The following HAUS6 variants were observed in gnomAD, a reference collection of about 807,000 sequenced individuals.
HAUS6 encodes HAUS augmin-like complex subunit 6.
HAUS6 carries 80 observed loss-of-function variants against 106.8 expected under a neutral mutation model. The observed-to-expected ratio is 0.75, with a 90% CI of 0.63 to 0.90. The LOEUF is 0.90. HAUS6 is among the 40% of genes least tolerant of loss of function. The pLI, the probability that HAUS6 is intolerant of heterozygous loss-of-function variation, is 0.00. For missense variants in HAUS6, 1,155 were observed against 1,118.1 expected (o/e 1.03, Z -0.47); for synonymous variants, 356 against 379.1 (o/e 0.94, Z 0.71).
At chr9:19,075,977 A>C (rs1233177444) in intron 11 of HAUS6, among the ~76,000 whole-genome samples, 3 of 151,628 alleles carry the variant, frequency 2.0e-5, no homozygotes, top group Non-Finnish European at 4.4e-5. Flanking sequence ...AAAAAAAAAA[A>C]AACACAAGTA....
intron 11 of HAUS6, among the ~76,000 whole-genome samples, chr9:19,074,244 C>CAA (rs199871985): frequency 1.3e-5 from 2 of 149,824 alleles, no homozygotes; most frequent in Admixed American, 6.6e-5. Context: ...GATTCTGTCT[C>CAA]AAAAAAAAAT....
intron 12 of HAUS6, among the ~76,000 whole-genome samples, chr9:19,065,570 G>A (rs1197431232): frequency 6.6e-6 from 1 of 152,212 alleles, no homozygotes; most frequent in Non-Finnish European, 1.5e-5. Context: ...GCTGGGCGCG[G>A]TGGCTCACGC....
At chr9:19,086,329 G>T (rs1837295098) in intron 7 of HAUS6, among the ~76,000 whole-genome samples, 2 of 135,128 alleles carry the variant, frequency 1.5e-5, no homozygotes, top group South Asian at 4.8e-4. Context: ...GGAGGGGGAA[G>T]GGGAAGGGAG....
chr9:19,102,431 C>A (rs547776084), intron 1 of HAUS6, 93 bp downstream of exon 1: 2 of 1,372,850 alleles, frequency 1.5e-6, no homozygotes, highest in Non-Finnish European at 2.0e-6. Flanking sequence ...TCAACCAATT[C>A]TGATTAATCA....
Position 19,080,561 on chromosome 9 carries a change from C to T in HAUS6, c.982G>A (p.Ala328Thr). The stretch of plus-strand genomic sequence containing the variant: ...TAGTGAAGGTCTACCGTCAATCTTG[C>T]TTGATCAGCCTGACAACGTTCATAT... ...MKYERCQADQ[A>T]RLTVDLHYLE... Residue 328 changes from alanine to threonine, a missense_variant, in exon 9 of 17, where the codon GCA (alanine) becomes ACA (threonine). Around this residue, in one of 3 missense-constraint regions of HAUS6, gnomAD observed 761 missense variants for 690.0 expected, o/e 1.10. Coordinates refer to ENST00000380502, the MANE Select transcript of HAUS6 (RefSeq NM_017645.5). The T allele has an allele frequency of 1.2e-6, 2 of 1,603,422 alleles. No homozygotes were observed. Among genetic ancestry groups the T allele is most frequent in the South Asian group, 2.2e-5 (2 of 90,810 alleles).
chr9:19,061,078 C>T (rs1471426603), intron 14 of HAUS6, among the ~76,000 whole-genome samples: 1 of 152,214 alleles, frequency 6.6e-6, no homozygotes, highest in Admixed American at 6.5e-5. Context: ...GCAGGAGAAT[C>T]GCTTGAACCC....
In HAUS6 at chr9:19,056,632, G is replaced by C. The variant is rs555030901; in HGVS notation, c.2807-228C>G. ...TTTCTTTTTTCTGCGACAGGGTCTT[G>C]CTCTGTCACCCAGGCTGGAGTGCAG... On this transcript the variant is annotated intron_variant, in intron 16 of 16. Coordinates refer to ENST00000380502, the MANE Select transcript of HAUS6 (RefSeq NM_017645.5). 2.4e-5 allele frequency: 10 copies of C among 409,444 alleles called. No homozygotes were observed. The South Asian group carries it at 3.4e-4, about 14-fold the overall frequency. 25.4% of individuals were successfully genotyped at this position (409,444 alleles called of 1,614,324 possible).
At chr9:19,084,952 G>T (rs543569739) in intron 7 of HAUS6, among the ~76,000 whole-genome samples, 1 of 151,488 alleles carries the variant, frequency 6.6e-6, no homozygotes, top group Non-Finnish European at 1.5e-5. Flanking sequence ...TTTTTAAGAC[G>T]GGTCTCGCTC....
intron 4 of HAUS6, 199 bp from the exon 5 acceptor site, chr9:19,089,758 T>TTAACATCACG (rs1294723340): frequency 1.8e-6 from 1 of 542,002 alleles, no homozygotes; most frequent in Non-Finnish European, 3.2e-6. Flanking sequence ...AGAAATTAAA[T>TTAACATCACG]TAACATCACG....
intron 1 of HAUS6, among the ~76,000 whole-genome samples, chr9:19,101,216 C>G (rs912164671): frequency 6.6e-6 from 1 of 152,108 alleles, no homozygotes; most frequent in Non-Finnish European, 1.5e-5. Context: ...AAAATATGTA[C>G]AACTATGAAC....
At chr9:19,087,865 A>G (rs952051761) in intron 5 of HAUS6, among the ~76,000 whole-genome samples, 2 of 149,792 alleles carry the variant, frequency 1.3e-5, no homozygotes, top group East Asian at 1.9e-4. Context: ...AAAAAAAAAA[A>G]AAAAAACCAC....
intron 9 of HAUS6, among the ~76,000 whole-genome samples, chr9:19,078,832 TA>T (rs1228599447): frequency 7.5e-6 from 1 of 133,850 alleles, no homozygotes; most frequent in African/African-American, 3.1e-5. Flanking sequence ...TAAATAATTT[TA>T]AAAAATTAGT....
intron 1 of HAUS6, among the ~76,000 whole-genome samples, chr9:19,098,860 T>TA (rs1302581362): frequency 2.0e-5 from 3 of 151,790 alleles, no homozygotes; most frequent in Non-Finnish European, 4.4e-5. Context: ...CCGTCTCTAC[T>TA]AAAAATACAA....
At position 19,086,777 on chromosome 9, in the gene HAUS6, T is replaced by C; in HGVS notation, c.656A>G (p.Glu219Gly). The C allele has an allele frequency of 8.6e-7, 1 of 1,164,438 alleles. No homozygotes were observed. The highest frequency in any genetic ancestry group is 1.3e-6 in the Non-Finnish European group (1 of 790,956). The allele number at this position is 1,164,438 out of a possible 1,614,324, so 72.1% of individuals were successfully genotyped here. ...IGLENQIKKM[E>G]PYDDHSNMEE... is the part of the protein sequence containing the mutation. ...CATATTACTGTGGTCATCATAGGGT[T>C]CCATTCTAATAAAAATTAAATAATC... is the stretch of plus-strand genomic sequence containing the variant. The change falls in exon 7 of 17, where the codon GAA (glutamate) becomes GGA (glycine). Residue 219 changes from glutamate to glycine, a missense_variant. Glu to Gly is a moderately conservative substitution (Grantham distance 98). Around this residue, in one of 3 missense-constraint regions of HAUS6, gnomAD observed 761 missense variants for 690.0 expected, o/e 1.10. Coordinates refer to ENST00000380502, the MANE Select transcript of HAUS6 (RefSeq NM_017645.5).
intron 10 of HAUS6, 74 bp from the exon 11 acceptor site, chr9:19,076,778 T>C: frequency 1.4e-6 from 1 of 698,372 alleles, no homozygotes; most frequent in Non-Finnish European, 2.6e-6. Context: ...TGAGTTAATC[T>C]ATGAATAGAT....
chr9:19,066,096 T>C (rs972105085), intron 12 of HAUS6, among the ~76,000 whole-genome samples: 1 of 151,786 alleles, frequency 6.6e-6, no homozygotes, highest in East Asian at 2.0e-4. Context: ...CCACCACACC[T>C]GGCTAATTTT....
In HAUS6 at chr9:19,080,466, CT is replaced by C. The variant is rs764927504; in HGVS notation, c.1064+12del. ...CTCCTCCCACAGTAAAATAACAGAT[CT>C]TTTTAGTGTACCTCATATGTTTCAG... is the stretch of plus-strand genomic sequence containing the variant. On this transcript the variant is annotated intron_variant, in intron 9 of 16. Transcript: ENST00000380502. 1.3e-6 allele frequency: 2 copies of C among 1,567,208 alleles called. No individual in the cohort carries two copies. Among genetic ancestry groups the C allele is most frequent in the East Asian group, 2.2e-5 (1 of 44,588 alleles).
intron 5 of HAUS6, 96 bp downstream of exon 5, chr9:19,089,316 T>G: frequency 1.3e-6 from 1 of 763,774 alleles, no homozygotes; most frequent in East Asian, 2.6e-5. Flanking sequence ...ACCGCCAAGG[T>G]TTTCAGGTAG....
intron 11 of HAUS6, among the ~76,000 whole-genome samples, chr9:19,071,677 G>A (rs958243196): frequency 1.3e-4 from 19 of 148,792 alleles, no homozygotes; most frequent in South Asian, 2.1e-4. Flanking sequence ...GGGCTCAAGC[G>A]ATCCTCCCAC....
Sources: gnomAD v4.1 joint callset for allele counts (sites outside exome capture counted in the v4.1 genomes callset) on GRCh38, gnomAD v4.1.1 for gene constraint, gnomAD v4.1.1 regional missense constraint, MANE v1.5 for transcripts, NCBI Gene and HGNC (gene_info 2026-07-23, HGNC 2026-07-21) for gene names.